The following NRG1 variants were observed in gnomAD, a reference collection of about 807,000 sequenced individuals.
NRG1 encodes neuregulin 1, also known as pro-neuregulin-1, membrane-bound isoform.
NRG1 carries 18 observed loss-of-function variants against 63.8 expected under a neutral mutation model. That is an observed-to-expected ratio of 0.28 (90% CI 0.19 to 0.42). The LOEUF (loss-of-function observed/expected upper bound fraction) is 0.42, where lower values mean the gene tolerates loss of function less well. Among genes scored for constraint, NRG1 ranks in the 10% least tolerant of loss-of-function variants. The probability of loss-of-function intolerance (pLI) is 1.00; values close to 1 mark genes in which losing one functional copy is unlikely to be tolerated. For missense variants in NRG1, 762 were observed against 814.7 expected (o/e 0.94, Z 0.79); for synonymous variants, 302 against 301.3 (o/e 1.00, Z -0.02).
intron 1 of NRG1, among the ~76,000 whole-genome samples, chr8:32,093,438 A>C (rs2131292633): frequency 6.6e-6 from 1 of 152,370 alleles, no homozygotes; most frequent in South Asian, 2.1e-4. Flanking sequence ...ATTAGGATCA[A>C]AGATAGTACA....
chr8:32,663,919 T>A (rs980315975), intron 5 of NRG1, among the ~76,000 whole-genome samples: 2 of 152,202 alleles, frequency 1.3e-5, no homozygotes, highest in Admixed American at 1.3e-4. Context: ...TTTAGAGACA[T>A]TTCCTATACT....
chr8:32,453,971 T>G lies in NRG1; in HGVS notation c.38-141857T>G, dbSNP rs554264324. 6.4e-4 allele frequency among the ~76,000 whole-genome samples: 98 copies of G among 152,304 alleles called. No homozygotes were observed. In the Middle Eastern group the frequency reaches 0.014, roughly 21 times the overall value. On this transcript the variant is annotated intron_variant, in intron 1 of 10. Coordinates refer to the NRG1 transcript ENST00000519301. The stretch of plus-strand genomic sequence containing the variant: ...TTTTCCATGGTGAGGCTTTACAAAT[T>G]TTAGTTTTCTCTAAGAAGATAGCCT...
intron 1 of NRG1, among the ~76,000 whole-genome samples, chr8:31,813,568 C>T (rs1246089304): frequency 7.7e-6 from 1 of 130,216 alleles, no homozygotes; most frequent in African/African-American, 2.8e-5. Flanking sequence ...GTCTTCCAGG[C>T]TGGAGAGCAG....
chr8:32,045,476 T>A (rs1820852556), intron 1 of NRG1, among the ~76,000 whole-genome samples: 1 of 151,948 alleles, frequency 6.6e-6, no homozygotes, highest in Non-Finnish European at 1.5e-5. Flanking sequence ...ATAGACAAGC[T>A]AGTGCTAAAA....
chr8:32,475,406 A>G (rs1170051014), intron 1 of NRG1, among the ~76,000 whole-genome samples: 1 of 138,286 alleles, frequency 7.2e-6, no homozygotes, highest in African/African-American at 2.7e-5. Context: ...TGGAGGTTGC[A>G]GTGACCTGAG....
chr8:32,385,705 C>G (rs1160290610), intron 1 of NRG1, among the ~76,000 whole-genome samples: 3 of 152,112 alleles, frequency 2.0e-5, no homozygotes, highest in Admixed American at 1.3e-4. Context: ...GAAACCACCC[C>G]TATGATCCAT....
intron 1 of NRG1, among the ~76,000 whole-genome samples, chr8:31,858,924 T>C (rs1726441432): frequency 1.3e-5 from 2 of 152,322 alleles, no homozygotes; most frequent in Admixed American, 6.5e-5. Context: ...CTTGATAACT[T>C]ACTGCAGGGA....
intron 1 of NRG1, among the ~76,000 whole-genome samples, chr8:32,329,828 G>C (rs1183400379): frequency 6.8e-6 from 1 of 147,686 alleles, no homozygotes; most frequent in Non-Finnish European, 1.5e-5. Context: ...ACGTGATATA[G>C]AGCAAAACCA....
intron 1 of NRG1, among the ~76,000 whole-genome samples, chr8:32,048,606 T>G (rs1287750458): frequency 6.6e-6 from 1 of 151,564 alleles, no homozygotes; most frequent in Non-Finnish European, 1.5e-5. Flanking sequence ...AGAGTCCCCT[T>G]TCCTCCACAT....
intron 1 of NRG1, among the ~76,000 whole-genome samples, chr8:32,394,524 T>C (rs1812197027): frequency 6.6e-6 from 1 of 152,180 alleles, no homozygotes; most frequent in Non-Finnish European, 1.5e-5. Context: ...AAAGTCAATC[T>C]GGGGCTGGTG....
At chr8:32,107,191 G>A (rs1563794679) in intron 1 of NRG1, among the ~76,000 whole-genome samples, 1 of 150,804 alleles carries the variant, frequency 6.6e-6, no homozygotes, top group Non-Finnish European at 1.5e-5. Context: ...AGCCGAGATT[G>A]CGCAACAGAG....
chr8:32,203,654 A>G (rs2132314892), intron 1 of NRG1, among the ~76,000 whole-genome samples: 1 of 152,214 alleles, frequency 6.6e-6, no homozygotes, highest in Non-Finnish European at 1.5e-5. Context: ...GAGCCACCAC[A>G]CCCAGCCTCA....
At chr8:32,348,515 T>C (rs1387947974) in intron 1 of NRG1, among the ~76,000 whole-genome samples, 2 of 152,364 alleles carry the variant, frequency 1.3e-5, no homozygotes, top group Admixed American at 6.5e-5. Context: ...TCTTTCTTTA[T>C]ATTTTTAGAT....
intron 1 of NRG1, among the ~76,000 whole-genome samples, chr8:32,196,940 A>ATTTTTTTTTTTTTTTTTT (rs1458233142): frequency 5.9e-5 from 2 of 33,992 alleles, no homozygotes; most frequent in East Asian, 6.7e-4. Context: ...TTCTCAGAAC[A>ATTTTTTTTTTTTTTTTTT]TTCTTTTTTT....
intron 1 of NRG1, among the ~76,000 whole-genome samples, chr8:32,091,970 C>A (rs1366225890): frequency 6.6e-6 from 1 of 152,074 alleles, no homozygotes; most frequent in Non-Finnish European, 1.5e-5. Context: ...CTTGAAGCTT[C>A]ATGCCTGCCT....
upstream of NRG1, among the ~76,000 whole-genome samples, chr8:32,546,974 T>C (rs572555275): frequency 6.6e-6 from 1 of 152,268 alleles, no homozygotes; most frequent in African/African-American, 2.4e-5. Context: ...TCAGTTAGCA[T>C]TGACCCCAGA....
At chr8:32,229,475 G>C (rs2132568214) in intron 1 of NRG1, among the ~76,000 whole-genome samples, 1 of 152,238 alleles carries the variant, frequency 6.6e-6, no homozygotes, top group Non-Finnish European at 1.5e-5. Flanking sequence ...TTTAGCACCA[G>C]CAGTGTGGGA....
chr8:32,094,317 G>A (rs1449692292), intron 1 of NRG1, among the ~76,000 whole-genome samples: 1 of 152,160 alleles, frequency 6.6e-6, no homozygotes, highest in Non-Finnish European at 1.5e-5. Flanking sequence ...ACTTGGCTAG[G>A]ATGAGCTGTG....
At chr8:32,101,013 TG>T (rs2131357630) in intron 1 of NRG1, among the ~76,000 whole-genome samples, 1 of 127,930 alleles carries the variant, frequency 7.8e-6, no homozygotes, top group Non-Finnish European at 1.7e-5. Flanking sequence ...TGCCAAAATT[TG>T]TATTTATTCC....
Sources: gnomAD v4.1 joint callset for allele counts (sites outside exome capture counted in the v4.1 genomes callset) on GRCh38, gnomAD v4.1.1 for gene constraint, MANE v1.5 for transcripts, NCBI Gene and HGNC (gene_info 2026-07-23, HGNC 2026-07-21) for gene names.